INPP4B: variants seen among roughly 807,000 people sequenced by gnomAD.
INPP4B encodes inositol polyphosphate-4-phosphatase type II B.
INPP4B carries 55 observed loss-of-function variants against 122.5 expected under a neutral mutation model. The ratio of observed to expected loss-of-function variants is 0.45; its 90% confidence interval spans 0.36 to 0.56. The LOEUF (loss-of-function observed/expected upper bound fraction) is 0.56. INPP4B is among the 20% of genes least tolerant of loss of function. The probability of loss-of-function intolerance (pLI) is 0.00; values close to 1 mark genes in which losing one functional copy is unlikely to be tolerated. For missense variants in INPP4B, 1,000 were observed against 1,097.7 expected, an observed-to-expected ratio of 0.91 and a Z score of 1.26; for synonymous variants, 403 against 388.7, an observed-to-expected ratio of 1.04 and a Z score of -0.43.
intron 25 of INPP4B, chr4:142,030,190 A>T: frequency 2.6e-6 from 4 of 1,535,652 alleles, no homozygotes; most frequent in Non-Finnish European, 3.5e-6. Flanking sequence ...AGCAGGTGTG[A>T]GCTGACAAGC....
chr4:142,676,299 C>G (rs554597847), intron 2 of INPP4B, among the ~76,000 whole-genome samples: 2 of 152,112 alleles, frequency 1.3e-5, no homozygotes, highest in South Asian at 4.2e-4. Flanking sequence ...ATGTGAAGGA[C>G]CTCTTCAAGG....
chr4:142,143,526 G>A (rs1207306336), intron 18 of INPP4B, among the ~76,000 whole-genome samples: 1 of 151,992 alleles, frequency 6.6e-6, no homozygotes, highest in African/African-American at 2.4e-5. Flanking sequence ...CACATGCATT[G>A]AGACATCACG....
At chr4:142,841,326 T>G (rs977546045) in intron 1 of INPP4B, among the ~76,000 whole-genome samples, 1 of 152,116 alleles carries the variant, frequency 6.6e-6, no homozygotes, top group African/African-American at 2.4e-5. Flanking sequence ...TTGAATAGTT[T>G]TTGTGTTTTG....
intron 2 of INPP4B, among the ~76,000 whole-genome samples, chr4:142,511,543 A>G (rs888728501): frequency 6.6e-6 from 1 of 152,144 alleles, no homozygotes; most frequent in Admixed American, 6.5e-5. Context: ...ATACTATAGT[A>G]TAAGTAGATA....
intron 9 of INPP4B, among the ~76,000 whole-genome samples, chr4:142,285,864 C>A (rs1753411770): frequency 1.3e-5 from 2 of 151,990 alleles, no homozygotes; most frequent in Admixed American, 1.3e-4. Context: ...TTTAGCTAGG[C>A]AAAATATGCA....
At position 142,343,484 on chromosome 4, in the gene INPP4B, T is replaced by TA. The variant is rs11316953; in HGVS notation, c.373-28723dup. Among the ~76,000 whole-genome samples, 183 of 148,374 alleles carry TA rather than the reference T, an allele frequency of 1.2e-3. 1 individual carries two copies. Among genetic ancestry groups the TA allele is most frequent in the Middle Eastern group, 3.5e-3 (1 of 284 alleles). On this transcript the variant is annotated intron_variant, in intron 7 of 25. Transcript: ENST00000262992. ...ATAAATTTCTATACCTGTTAAGGCT[T>TA]AAAAAAAAAAACCCCGAGAGTTTCT...
intron 7 of INPP4B, among the ~76,000 whole-genome samples, chr4:142,383,100 A>C (rs1794767041): frequency 6.6e-6 from 1 of 152,116 alleles, no homozygotes; most frequent in African/African-American, 2.4e-5. Flanking sequence ...TGATAGATGT[A>C]CTGATATTAA....
intron 16 of INPP4B, among the ~76,000 whole-genome samples, chr4:142,170,118 T>C (rs1469557652): frequency 2.0e-5 from 3 of 151,740 alleles, no homozygotes; most frequent in Non-Finnish European, 4.4e-5. Flanking sequence ...TCTCACTCTA[T>C]TATTAACTGT....
intron 2 of INPP4B, among the ~76,000 whole-genome samples, chr4:142,673,552 G>A (rs541198326): frequency 7.9e-5 from 12 of 152,022 alleles, no homozygotes; most frequent in Non-Finnish European, 1.0e-4. Context: ...CAATGTTAAC[G>A]GTAAATACAC....
intron 25 of INPP4B, among the ~76,000 whole-genome samples, chr4:142,051,932 A>T (rs1754826424): frequency 2.0e-5 from 3 of 152,032 alleles, no homozygotes. Flanking sequence ...TGGGTCCAGA[A>T]CCTCTCATTA....
intron 2 of INPP4B, among the ~76,000 whole-genome samples, chr4:142,716,780 A>C (rs774772629): frequency 6.6e-6 from 1 of 152,182 alleles, no homozygotes; most frequent in Admixed American, 6.5e-5. Context: ...AACGACCTCA[A>C]TTACCCTGCC....
intron 12 of INPP4B, among the ~76,000 whole-genome samples, chr4:142,219,310 T>C (rs751289160): frequency 6.6e-6 from 1 of 152,212 alleles, no homozygotes; most frequent in Non-Finnish European, 1.5e-5. Context: ...AATTTAATTT[T>C]AGGTAACTGC....
chr4:142,760,378 GA>G (rs1308935484), intron 1 of INPP4B, among the ~76,000 whole-genome samples: 1 of 152,044 alleles, frequency 6.6e-6, no homozygotes, highest in Non-Finnish European at 1.5e-5. Flanking sequence ...GATCTTGGTA[GA>G]AAAACATAGC....
intron 2 of INPP4B, among the ~76,000 whole-genome samples, chr4:142,570,664 T>G (rs1292973366): frequency 3.9e-5 from 6 of 152,078 alleles, no homozygotes; most frequent in African/African-American, 1.4e-4. Flanking sequence ...TAGCAATTTT[T>G]AAACAATCTA....
chr4:142,400,172 C>T (rs1344245818), intron 7 of INPP4B, among the ~76,000 whole-genome samples: 4 of 152,120 alleles, frequency 2.6e-5, no homozygotes, highest in Non-Finnish European at 5.9e-5. Context: ...GGCAAAGTAA[C>T]GTGTTTATTT....
intron 1 of INPP4B, among the ~76,000 whole-genome samples, chr4:142,803,699 G>A (rs1227760939): frequency 1.3e-5 from 2 of 150,002 alleles, no homozygotes; most frequent in African/African-American, 4.9e-5. Flanking sequence ...TTCTTTTTAT[G>A]AAGTAAGCAA....
intron 2 of INPP4B, among the ~76,000 whole-genome samples, chr4:142,477,521 G>A (rs1311143205): frequency 6.6e-6 from 1 of 150,450 alleles, no homozygotes. Context: ...TAAGAATAAA[G>A]GACCACTTAC....
intron 3 of INPP4B, among the ~76,000 whole-genome samples, chr4:142,447,370 A>G (rs1159424380): frequency 1.3e-5 from 2 of 152,196 alleles, no homozygotes; most frequent in African/African-American, 4.8e-5. Context: ...AGCATTCACA[A>G]TGTGACCAAA....
chr4:142,473,636 A>T (rs1328312191), intron 2 of INPP4B, among the ~76,000 whole-genome samples: 7 of 152,154 alleles, frequency 4.6e-5, no homozygotes, highest in African/African-American at 1.7e-4. Context: ...GAGCAGTAAG[A>T]TTGCTCCACC....
Sources: gnomAD v4.1 joint callset for allele counts (sites outside exome capture counted in the v4.1 genomes callset) on GRCh38, gnomAD v4.1.1 for gene constraint, MANE v1.5 for transcripts, NCBI Gene and HGNC (gene_info 2026-07-23, HGNC 2026-07-21) for gene names.